UBA5: variants seen among roughly 807,000 people sequenced by gnomAD.
The protein encoded by UBA5 is ubiquitin like modifier activating enzyme 5.
Under a neutral mutation model 52.9 loss-of-function variants are expected in UBA5, and 28 were observed. The observed-to-expected ratio is 0.53, with a 90% CI of 0.39 to 0.73. The LOEUF (loss-of-function observed/expected upper bound fraction) is 0.73, where lower values mean the gene tolerates loss of function less well. Among genes scored for constraint, UBA5 ranks in the 30% least tolerant of loss-of-function variants. The pLI, the probability that UBA5 is intolerant of heterozygous loss-of-function variation, is 0.00. For missense variants in UBA5, 388 were observed against 492.7 expected (o/e 0.79, Z 2.01); for synonymous variants, 135 against 162.1 (o/e 0.83, Z 1.27).
intron 3 of UBA5, among the ~76,000 whole-genome samples, chr3:132,667,064 G>A (rs892409889): frequency 1.2e-4 from 19 of 152,100 alleles, no homozygotes; most frequent in South Asian, 2.1e-4. Flanking sequence ...CAAGCTCCCA[G>A]GTGATCCTGA....
intron 7 of UBA5, 76 bp downstream of exon 7, chr3:132,671,957 AT>A: frequency 6.3e-7 from 1 of 1,599,548 alleles, no homozygotes; most frequent in Non-Finnish European, 8.5e-7. Flanking sequence ...ATGTATTACA[AT>A]TCAAAGAAAA....
intron 7 of UBA5, 21 bp from the exon 8 acceptor site, chr3:132,672,029 T>C: frequency 6.2e-7 from 1 of 1,608,812 alleles, no homozygotes; most frequent in Non-Finnish European, 8.5e-7. Flanking sequence ...TTTTTTGAAA[T>C]GTGTTTTATT....
rs543893747 is a variant in UBA5, at chr3:132,676,189, C to T, written c.1132-254C>T. ...AAATGAAGATCTCATTTTTGTTTATCGGTAGTTTTAGCTACGATGTCGTTT... is the reference window on the plus strand; with the variant it reads ...AAATGAAGATCTCATTTTTGTTTATTGGTAGTTTTAGCTACGATGTCGTTT... On this transcript the variant is annotated intron_variant, in intron 11 of 11. Coordinates refer to ENST00000356232, the MANE Select transcript of UBA5 (RefSeq NM_024818.6). This position sits in a 1 kb window ranked among gnomAD's most constrained non-coding sequence, Gnocchi z 4.1. Among the ~76,000 whole-genome samples the T allele has an allele frequency of 2.0e-5, 3 of 151,964 alleles. No individual in the cohort carries two copies. Among genetic ancestry groups the T allele is most frequent in the Non-Finnish European group, 4.4e-5 (3 of 67,922 alleles).
chr3:132,662,077 T>C (rs1038347295), intron 1 of UBA5, among the ~76,000 whole-genome samples: 2 of 152,222 alleles, frequency 1.3e-5, no homozygotes, highest in African/African-American at 2.4e-5. Context: ...TGAATTTAAG[T>C]TGTCTTTCAG....
At position 132,660,577 on chromosome 3, in the gene UBA5, G is replaced by A. The variant is rs762794075; in HGVS notation, c.40G>A (p.Glu14Lys). ...GGAGCGCCTGCAGCAGCGGGTCCAG[G>A]AGCTGGAGCGGGAACTTGCCCAGGA... ...SVERLQQRVQELERELAQERS... is the reference protein window; with the variant it reads ...SVERLQQRVQKLERELAQERS... The change falls in exon 1 of 12, where the codon GAG becomes AAG. Residue 14 changes from glutamate to lysine, a missense_variant. Physicochemically the swap from Glu to Lys is moderately conservative, Grantham distance 56. Transcript: ENST00000356232. This position sits in a 1 kb window ranked among gnomAD's most constrained non-coding sequence, Gnocchi z 4.1. 9 of 1,551,386 alleles carry A rather than the reference G, an allele frequency of 5.8e-6. No individual in the cohort carries two copies. In the South Asian group the frequency reaches 1.1e-4, roughly 18 times the overall value.
chr3:132,667,563 T>C (rs1938429257), intron 3 of UBA5: 1 of 152,202 alleles, frequency 6.6e-6, no homozygotes, highest in Non-Finnish European at 1.5e-5. Flanking sequence ...ACGAAGTGAA[T>C]TAATGAGGTT....
Position 132,660,458 on chromosome 3 carries a change from C to A in UBA5, c.-80C>A. On this transcript the variant is annotated 5_prime_UTR_variant, in exon 1 of 12. Coordinates refer to ENST00000356232, the MANE Select transcript of UBA5 (RefSeq NM_024818.6). The surrounding 1 kb of genome is among the most constrained non-coding windows in gnomAD (Gnocchi z 4.1). ...GCGAGGTGCCTCCCCACGTACCCCT[C>A]GCGGGCCCAGCCGAGCAACGTGGGG... is the stretch of plus-strand genomic sequence containing the variant. The A allele has an allele frequency of 1.3e-6, 2 of 1,521,234 alleles. No homozygotes were observed. Among genetic ancestry groups the A allele is most frequent in the Non-Finnish European group, 8.8e-7 (1 of 1,134,884 alleles). 94.2% of individuals were successfully genotyped at this position (1,521,234 alleles called of 1,614,324 possible). A position where few individuals can be genotyped will look rare whatever the true frequency, so the allele number is the denominator to read the frequency against.
chr3:132,659,609 T>C (rs200581158), upstream of UBA5: 63 of 1,610,454 alleles, frequency 3.9e-5, no homozygotes, highest in Non-Finnish European at 5.3e-5. Context: ...ATACCTGTAC[T>C]GGGCAATGGT....
At chr3:132,665,351 G>A (rs1576641676) in intron 1 of UBA5, among the ~76,000 whole-genome samples, 1 of 152,022 alleles carries the variant, frequency 6.6e-6, no homozygotes, top group East Asian at 1.9e-4. Context: ...ACTAGTTAAA[G>A]CACCTCTTAG....
In UBA5 at chr3:132,660,991, G is replaced by T; in HGVS notation, c.161+293G>T. The T allele has an allele frequency of 6.9e-7, 1 of 1,443,568 alleles. No individual in the cohort carries two copies. The highest frequency in any genetic ancestry group is 9.2e-7 in the Non-Finnish European group (1 of 1,088,870). 89.4% of individuals were successfully genotyped at this position (1,443,568 alleles called of 1,614,324 possible). On this transcript the variant is annotated intron_variant, in intron 1 of 11. Transcript: ENST00000356232. This position sits in a 1 kb window ranked among gnomAD's most constrained non-coding sequence, Gnocchi z 4.1. ...CCTCTTAATTAGTCCGCCTCGCTGT[G>T]TATAAGACTGATAGTAAGAACTTTC...
chr3:132,655,097 C>T (rs1937711535), intron 1 of UBA5, among the ~76,000 whole-genome samples: 1 of 152,198 alleles, frequency 6.6e-6, no homozygotes, highest in African/African-American at 2.4e-5. Context: ...GGGACCACTG[C>T]CGTATATGCA....
chr3:132,671,634 T>A, intron 6 of UBA5, 143 bp from the exon 7 acceptor site: 1 of 608,554 alleles, frequency 1.6e-6, no homozygotes, highest in African/African-American at 1.9e-5. Flanking sequence ...ACCAAGGAAT[T>A]CCATTATCTT....
At chr3:132,674,204 T>C (rs1357240796) in intron 8 of UBA5, among the ~76,000 whole-genome samples, 1 of 152,236 alleles carries the variant, frequency 6.6e-6, no homozygotes, top group East Asian at 1.9e-4. Context: ...CTGTGAATTA[T>C]CTGCTAATAG....
chr3:132,663,527 G>C (rs533366468), intron 1 of UBA5, among the ~76,000 whole-genome samples: 10 of 152,070 alleles, frequency 6.6e-5, no homozygotes, highest in African/African-American at 1.2e-4. Context: ...ACAGCTGATC[G>C]TGGGGTTGGA....
intron 1 of UBA5, among the ~76,000 whole-genome samples, chr3:132,661,565 C>T (rs545657472): frequency 3.3e-3 from 506 of 152,242 alleles, no homozygotes; most frequent in Non-Finnish European, 6.0e-3. Flanking sequence ...CCACCAAAAC[C>T]CTATGAGATT....
At chr3:132,665,007 GTT>G (rs1938316002) in intron 1 of UBA5, among the ~76,000 whole-genome samples, 1 of 152,048 alleles carries the variant, frequency 6.6e-6, no homozygotes, top group Non-Finnish European at 1.5e-5. Flanking sequence ...GAAAGGGTAA[GTT>G]TTAATATATT....
chr3:132,673,607 CAA>C (rs759558005), intron 8 of UBA5, among the ~76,000 whole-genome samples: 16 of 151,944 alleles, frequency 1.1e-4, no homozygotes, highest in Non-Finnish European at 1.8e-4. Context: ...CTCAGCCTCC[CAA>C]AGTGTTGGGA....
intron 6 of UBA5, 147 bp downstream of exon 6, chr3:132,671,196 A>AAAT (rs1275375747): frequency 1.5e-6 from 1 of 667,848 alleles, no homozygotes; most frequent in African/African-American, 1.8e-5. Context: ...GCCTACTCTT[A>AAAT]AAATCTATTC....
chr3:132,663,797 T>C (rs1041536808), intron 1 of UBA5, among the ~76,000 whole-genome samples: 1 of 152,158 alleles, frequency 6.6e-6, no homozygotes, highest in Non-Finnish European at 1.5e-5. Context: ...GGATAGACTA[T>C]GTAAGATAAA....
Sources: gnomAD v4.1 joint callset for allele counts (sites outside exome capture counted in the v4.1 genomes callset) on GRCh38, gnomAD v4.1.1 for gene constraint, Gnocchi (gnomAD v3.1) non-coding constraint, MANE v1.5 for transcripts, NCBI Gene and HGNC (gene_info 2026-07-23, HGNC 2026-07-21) for gene names.